The following EPHA3 variants were observed in gnomAD, a reference collection of about 807,000 sequenced individuals.
EPHA3 encodes EPH receptor A3, also known as ephrin type-A receptor 3.
EPHA3 carries 42 observed loss-of-function variants against 107.1 expected under a neutral mutation model. The ratio of observed to expected loss-of-function variants is 0.39; its 90% CI spans 0.31 to 0.51. The LOEUF is 0.51. EPHA3 is among the 20% of genes least tolerant of loss of function. The pLI is 0.78. For synonymous variants in EPHA3, 461 were observed against 424.8 expected (o/e 1.09, Z -1.05); for missense variants, 1,183 against 1,211.2 (o/e 0.98, Z 0.35).
At chr3:89,264,362 G>A (rs1451891033) in intron 3 of EPHA3, among the ~76,000 whole-genome samples, 1 of 152,058 alleles carries the variant, frequency 6.6e-6, no homozygotes, top group Non-Finnish European at 1.5e-5. Flanking sequence ...TTCAAGGCCT[G>A]AGAATAATCC....
chr3:89,280,686 T>G (rs73846118), intron 3 of EPHA3, among the ~76,000 whole-genome samples: 5,206 of 152,218 alleles, frequency 0.034, 302 homozygotes, highest in African/African-American at 0.12. Context: ...TACACATCCA[T>G]AAAATATATC....
intron 16 of EPHA3, 112 bp from the exon 17 acceptor site, chr3:89,479,285 A>C (rs1318059266): frequency 3.8e-6 from 3 of 794,982 alleles, no homozygotes; most frequent in Non-Finnish European, 6.3e-6. Context: ...AATATCAGAC[A>C]ATTAGGTCCA....
intron 11 of EPHA3, among the ~76,000 whole-genome samples, chr3:89,420,624 T>G (rs1709334594): frequency 6.6e-6 from 1 of 151,390 alleles, no homozygotes; most frequent in Non-Finnish European, 1.5e-5. Flanking sequence ...GCATAATTAG[T>G]AAGGATTGGG....
intron 15 of EPHA3, among the ~76,000 whole-genome samples, chr3:89,459,380 A>G (rs866905573): frequency 6.6e-6 from 1 of 152,084 alleles, no homozygotes; most frequent in Non-Finnish European, 1.5e-5. Context: ...ATAAGAATCA[A>G]AGAAATGTTT....
At chr3:89,299,755 G>A (rs1274839308) in intron 3 of EPHA3, among the ~76,000 whole-genome samples, 1 of 151,946 alleles carries the variant, frequency 6.6e-6, no homozygotes, top group Non-Finnish European at 1.5e-5. Context: ...AACGTTATAG[G>A]CATAGTTTTA....
chr3:89,214,154 T>C (rs1195481785), intron 3 of EPHA3, among the ~76,000 whole-genome samples: 1 of 152,010 alleles, frequency 6.6e-6, no homozygotes, highest in African/African-American at 2.4e-5. Context: ...AATTGTTCTA[T>C]TTAGCCAAAA....
chr3:89,212,044 G>A (rs1170518622), intron 3 of EPHA3, among the ~76,000 whole-genome samples: 1 of 151,738 alleles, frequency 6.6e-6, no homozygotes, highest in African/African-American at 2.4e-5. Flanking sequence ...TAAATTTGGT[G>A]AAATAGAAAT....
chr3:89,398,082 C>G (rs547442756), intron 6 of EPHA3, among the ~76,000 whole-genome samples: 10 of 152,144 alleles, frequency 6.6e-5, no homozygotes, highest in African/African-American at 2.4e-4. Context: ...TAGAAAGATT[C>G]TCTAGGATTT....
chr3:89,203,970 C>A (rs1344385674), intron 2 of EPHA3, among the ~76,000 whole-genome samples: 1 of 151,970 alleles, frequency 6.6e-6, no homozygotes, highest in Non-Finnish European at 1.5e-5. Context: ...ACAGAAGGGA[C>A]AACATACTCA....
intron 3 of EPHA3, among the ~76,000 whole-genome samples, chr3:89,300,268 AAG>A (rs1315112349): frequency 2.6e-5 from 4 of 152,070 alleles, no homozygotes; most frequent in Non-Finnish European, 5.9e-5. Flanking sequence ...TCTGTAATAA[AAG>A]AGTTATAGTT....
intron 11 of EPHA3, among the ~76,000 whole-genome samples, chr3:89,419,791 A>G (rs1193528695): frequency 6.6e-6 from 1 of 151,374 alleles, no homozygotes; most frequent in African/African-American, 2.4e-5. Context: ...TAAAAGTTAC[A>G]AATCTTTAAC....
intron 3 of EPHA3, among the ~76,000 whole-genome samples, chr3:89,286,726 A>G (rs1706092184): frequency 6.6e-6 from 1 of 152,158 alleles, no homozygotes; most frequent in Non-Finnish European, 1.5e-5. Context: ...ATTATATGGT[A>G]TGTTTGAAAG....
chr3:89,304,923 G>A (rs1254556700), intron 3 of EPHA3, among the ~76,000 whole-genome samples: 1 of 152,080 alleles, frequency 6.6e-6, no homozygotes, highest in Admixed American at 6.6e-5. Context: ...ATTTATAAAT[G>A]CAAGTATTTC....
At chr3:89,382,139 T>G (rs1708521069) in intron 5 of EPHA3, among the ~76,000 whole-genome samples, 1 of 152,134 alleles carries the variant, frequency 6.6e-6, no homozygotes, top group African/African-American at 2.4e-5. Context: ...TCTACTGCAA[T>G]TGTTTTGAAA....
chr3:89,301,812 G>T (rs1239388777), intron 3 of EPHA3, among the ~76,000 whole-genome samples: 1 of 151,988 alleles, frequency 6.6e-6, no homozygotes, highest in African/African-American at 2.4e-5. Flanking sequence ...ATGATAGTCC[G>T]GAATATTATG....
chr3:89,283,821 C>G (rs1706007079), intron 3 of EPHA3, among the ~76,000 whole-genome samples: 1 of 152,058 alleles, frequency 6.6e-6, no homozygotes, highest in South Asian at 2.1e-4. Flanking sequence ...TAAAAATGCT[C>G]TAAAATCAAA....
chr3:89,456,646 G>A lies in EPHA3; in HGVS notation c.2690+6276G>A, dbSNP rs559989333. Reference sequence around the variant, plus strand: ...GAATATCGTCACTGGAAGTGGGGAAGGTGGAAAAGCTGATGGTCAGGGTGG... The same window carrying A: ...GAATATCGTCACTGGAAGTGGGGAAAGTGGAAAAGCTGATGGTCAGGGTGG... On this transcript the variant is annotated intron_variant, in intron 15 of 16. Coordinates refer to ENST00000336596, the MANE Select transcript of EPHA3 (RefSeq NM_005233.6). 9.2e-5 allele frequency among the ~76,000 whole-genome samples: 14 copies of A among 152,216 alleles called. No individual in the cohort carries two copies. The East Asian group carries it at 2.5e-3, about 27-fold the overall frequency.
chr3:89,391,339 C>T (rs1708727653), intron 5 of EPHA3, among the ~76,000 whole-genome samples: 1 of 151,822 alleles, frequency 6.6e-6, no homozygotes, highest in African/African-American at 2.4e-5. Context: ...TAAGCCACCC[C>T]TCCCTCTTAG....
intron 3 of EPHA3, among the ~76,000 whole-genome samples, chr3:89,225,121 A>G (rs1175944505): frequency 6.6e-6 from 1 of 152,154 alleles, no homozygotes; most frequent in Non-Finnish European, 1.5e-5. Flanking sequence ...AGCTATGTTA[A>G]GATCTAAAGA....
Sources: allele counts gnomAD v4.1 joint callset (sites outside exome capture counted in the v4.1 genomes callset), GRCh38; gene constraint gnomAD v4.1.1; transcripts MANE v1.5; gene names NCBI Gene and HGNC (gene_info 2026-07-23, HGNC 2026-07-21).